Variants in MED17 observed in about 807,000 individuals in gnomAD.
The protein encoded by MED17 is mediator complex subunit 17.
MED17 carries 49 observed loss-of-function variants against 80.8 expected under a neutral mutation model. The observed-to-expected ratio is 0.61, with a 90% CI of 0.48 to 0.77. MED17 has a LOEUF of 0.77. Among genes scored for constraint, MED17 ranks in the 30% least tolerant of loss-of-function variants. MED17 has a pLI of 0.00. For synonymous variants in MED17, 281 were observed against 280.4 expected, an observed-to-expected ratio of 1.00 and a Z score of -0.02; for missense variants, 718 against 787.0, an observed-to-expected ratio of 0.91 and a Z score of 1.05.
intron 3 of MED17, among the ~76,000 whole-genome samples, chr11:93,792,437 A>T (rs894479408): frequency 1.3e-5 from 2 of 152,198 alleles, no homozygotes; most frequent in Admixed American, 1.3e-4. Flanking sequence ...TTCCACAAAT[A>T]ATTTGTGTGC....
intron 10 of MED17, chr11:93,808,420 G>A (rs1191364592): frequency 1.4e-5 from 2 of 144,586 alleles, no homozygotes; most frequent in Admixed American, 6.9e-5. Flanking sequence ...CCAGCTCTAC[G>A]ACAAACTTGC....
intron 6 of MED17, 26 bp from the exon 7 acceptor site, chr11:93,796,384 T>TA (rs1211288291): frequency 1.3e-6 from 2 of 1,593,544 alleles, no homozygotes; most frequent in Admixed American, 3.3e-5. Flanking sequence ...GTTATTTACA[T>TA]ATGTCCTCCT....
At chr11:93,794,161 T>A in intron 5 of MED17, 126 bp downstream of exon 5, 1 of 733,988 alleles carries the variant, frequency 1.4e-6, no homozygotes, top group Non-Finnish European at 2.3e-6. Flanking sequence ...AATATACTTC[T>A]AAAATTTATC....
At chr11:93,788,241 G>T in intron 2 of MED17, 74 bp downstream of exon 2, 1 of 1,266,680 alleles carries the variant, frequency 7.9e-7, no homozygotes. Flanking sequence ...CTTTGTGCCT[G>T]TTGTTCCATT....
rs373141278 is a variant in MED17 at position 93,793,746 on chromosome 11, A to G, written c.656A>G (p.His219Arg). 1 of 1,578,388 alleles carries G rather than the reference A, an allele frequency of 6.3e-7. No individual in the cohort carries two copies. The highest frequency in any genetic ancestry group is 1.4e-5 in the African/African-American group (1 of 74,038). Residue 219 changes from histidine (H) to arginine (R), a missense_variant, in exon 4 of 12, where the codon CAT becomes CGT. Transcript: ENST00000251871. ...YRSAGSLFPHHGTFEVIKNTD... is the reference protein window; with the variant it reads ...YRSAGSLFPHRGTFEVIKNTD... ...ACATTAGGATCTCTCTTTCCTCATCATGGTACATTTGAAGTAATAAAGAAT... is the reference window on the plus strand; with the variant it reads ...ACATTAGGATCTCTCTTTCCTCATCGTGGTACATTTGAAGTAATAAAGAAT...
In MED17 at chr11:93,787,139, C is replaced by T. The variant is rs533043301; in HGVS notation, c.251-862C>T. On this transcript the variant is annotated intron_variant, in intron 1 of 11. Transcript: ENST00000251871. ...AAAGGGTACACTCACTGGGGCCGGG[C>T]GCAGTGGCTCACGTCTGTAATCCCA... 1.1e-4 allele frequency among the ~76,000 whole-genome samples: 17 copies of T among 152,118 alleles called. No homozygotes were observed. The East Asian group carries it at 2.5e-3, about 22-fold the overall frequency.
intron 1 of MED17, among the ~76,000 whole-genome samples, chr11:93,786,595 G>A (rs1425233804): frequency 1.3e-5 from 2 of 151,832 alleles, no homozygotes; most frequent in East Asian, 3.9e-4. Context: ...AGCTTCCCTA[G>A]TATGTGGGAC....
chr11:93,801,285 A>G (rs1435509443), intron 8 of MED17: 1 of 155,700 alleles, frequency 6.4e-6, no homozygotes, highest in African/African-American at 2.4e-5. Context: ...TGCATGCTGT[A>G]TAATGAACAC....
Position 93,804,023 on chromosome 11 carries a change from A to ATT in MED17, c.1466+2052_1466+2053insTT, listed in dbSNP as rs1334793057. Among the ~76,000 whole-genome samples, 259 of 8,888 alleles carry ATT rather than the reference A, an allele frequency of 0.029. 7 individuals are homozygous for ATT. In the East Asian group the frequency reaches 0.39, roughly 13 times the overall value. The allele number at this position is 8,888 out of a possible 152,430, so 5.8% of individuals were successfully genotyped here. A position where few individuals can be genotyped will look rare whatever the true frequency, so the allele number is the denominator to read the frequency against. The stretch of plus-strand genomic sequence containing the variant: ...TGTATATATATATATATATATATAT[A>ATT]TATACACACACACATATACACACGC... On this transcript the variant is annotated intron_variant, in intron 9 of 11. Coordinates refer to ENST00000251871, the MANE Select transcript of MED17 (RefSeq NM_004268.5).
chr11:93,790,275 A>G (rs988460301), intron 2 of MED17: 2 of 492,638 alleles, frequency 4.1e-6, no homozygotes, highest in Non-Finnish European at 7.9e-6. Flanking sequence ...GGGGCTGGCA[A>G]TATATAAGGA....
intron 9 of MED17, chr11:93,806,003 G>A (rs1366702927): frequency 2.3e-5 from 2 of 85,510 alleles, no homozygotes; most frequent in African/African-American, 4.0e-5. Flanking sequence ...TTTTTTTTGA[G>A]ATGGAGTTTT....
In MED17 at chr11:93,784,783, C is replaced by T. The variant is rs1202981502; in HGVS notation, c.250+20C>T. 6.5e-7 allele frequency: 1 copy of T among 1,534,548 alleles called. No individual in the cohort carries two copies. Among genetic ancestry groups the T allele is most frequent in the Admixed American group, 2.0e-5 (1 of 50,978 alleles). ...AGGAAGGTAAGGCCTGCATCCGCTG[C>T]CCGAGTCCCCCGGTCTGGGTCCCAG... On this transcript the variant is annotated intron_variant, in intron 1 of 11. Coordinates refer to ENST00000251871, the MANE Select transcript of MED17 (RefSeq NM_004268.5).
At chr11:93,809,303 C>T (rs1375262529) in intron 10 of MED17, 5 of 320,978 alleles carry the variant, frequency 1.6e-5, no homozygotes, top group Non-Finnish European at 3.1e-5. Flanking sequence ...TGCTGTCTCC[C>T]ATTACCTGAA....
intron 6 of MED17, chr11:93,795,930 C>T (rs1341171942): frequency 5.9e-6 from 1 of 168,480 alleles, no homozygotes; most frequent in Non-Finnish European, 1.3e-5. Flanking sequence ...TACGTGGTAG[C>T]TTATTATATT....
chr11:93,792,258 A>T (rs893510180), intron 3 of MED17, among the ~76,000 whole-genome samples: 2 of 152,238 alleles, frequency 1.3e-5, no homozygotes, highest in African/African-American at 2.4e-5. Context: ...TAAGGTGGTT[A>T]AGTCAAATAC....
rs147235215 is a variant in MED17 at position 93,797,539 on chromosome 11, A to G, written c.1148A>G (p.His383Arg). 2 of 1,614,034 alleles carry G rather than the reference A, an allele frequency of 1.2e-6. No individual in the cohort carries two copies. Among genetic ancestry groups the G allele is most frequent in the South Asian group, 1.1e-5 (1 of 91,086 alleles). ...HNLHLLIREF[H>R]KQTLSSIMMP... is the part of the protein sequence containing the mutation. Reference sequence around the variant, plus strand: ...TAAAATGGCTGTTTTTGTTAGTTTCATAAACAGACCTTGAGTTCCATCATG... The same window carrying G: ...TAAAATGGCTGTTTTTGTTAGTTTCGTAAACAGACCTTGAGTTCCATCATG... Residue 383 changes from histidine (H) to arginine (R), a missense_variant, in exon 8 of 12, where the codon CAT becomes CGT. Physicochemically the swap from His to Arg is conservative, Grantham distance 29. Coordinates refer to ENST00000251871, the MANE Select transcript of MED17 (RefSeq NM_004268.5).
intron 9 of MED17, among the ~76,000 whole-genome samples, chr11:93,802,339 A>T (rs988216779): frequency 6.6e-6 from 1 of 152,176 alleles, no homozygotes; most frequent in Admixed American, 6.5e-5. Flanking sequence ...GACTCCAGCA[A>T]TCCTGCTGTC....
intron 9 of MED17, among the ~76,000 whole-genome samples, chr11:93,803,177 G>A (rs1393166282): frequency 3.3e-5 from 5 of 152,084 alleles, no homozygotes; most frequent in Non-Finnish European, 5.9e-5. Flanking sequence ...ACTAGCCACA[G>A]TAAAGCAAAG....
intron 2 of MED17, 44 bp downstream of exon 2, chr11:93,788,211 A>G (rs1327161954): frequency 1.3e-6 from 2 of 1,530,142 alleles, no homozygotes; most frequent in East Asian, 4.7e-5. Context: ...TATTTATTAA[A>G]TCCCAGGACC....
Sources: allele counts gnomAD v4.1 joint callset (sites outside exome capture counted in the v4.1 genomes callset), GRCh38; gene constraint gnomAD v4.1.1; transcripts MANE v1.5; gene names NCBI Gene and HGNC (gene_info 2026-07-23, HGNC 2026-07-21).